The following ASCC3 variants were observed in gnomAD, a reference collection of about 807,000 sequenced individuals.
ASCC3 encodes the protein activating signal cointegrator 1 complex subunit 3, also known as ASC-1 complex subunit P200.
ASCC3 carries 158 observed loss-of-function variants against 256.3 expected under a neutral mutation model. The ratio of observed to expected loss-of-function variants is 0.62; its 90% confidence interval spans 0.54 to 0.70. The LOEUF is 0.70. Ranked by LOEUF, ASCC3 falls within the 30% of genes least tolerant of loss-of-function variation. ASCC3 has a pLI of 0.00. For missense variants in ASCC3, 2,259 were observed against 2,626.0 expected, an observed-to-expected ratio of 0.86 and a Z score of 3.05; for synonymous variants, 948 against 883.4, an observed-to-expected ratio of 1.07 and a Z score of -1.30.
At chr6:100,644,171 T>G (rs753533256) in intron 22 of ASCC3, 42 bp from the exon 23 acceptor site, 3 of 1,301,430 alleles carry the variant, frequency 2.3e-6, no homozygotes. Context: ...ATATCATAAC[T>G]CAAATAAGGG....
At chr6:100,774,586 C>T (rs1006334109) in intron 8 of ASCC3, among the ~76,000 whole-genome samples, 5 of 152,106 alleles carry the variant, frequency 3.3e-5, no homozygotes, top group African/African-American at 4.8e-5. Context: ...AGGATGGTCT[C>T]GATTTTCTGA....
In ASCC3 at chr6:100,688,850, C is replaced by T. The variant is rs1777706077; in HGVS notation, c.2152-9098G>A. 3.3e-5 allele frequency among the ~76,000 whole-genome samples: 5 copies of T among 152,166 alleles called. No homozygotes were observed. In the South Asian group the frequency reaches 1.0e-3, roughly 32 times the overall value. Reference sequence around the variant, plus strand: ...CAGAAGCCACCATTCATTACATGAACAACTATAGGAGGAAGTAACCAAAAA... The same window carrying T: ...CAGAAGCCACCATTCATTACATGAATAACTATAGGAGGAAGTAACCAAAAA... On this transcript the variant is annotated intron_variant, in intron 13 of 41. Transcript: ENST00000369162.
intron 3 of ASCC3, among the ~76,000 whole-genome samples, chr6:100,850,831 C>T (rs1294166865): frequency 6.6e-6 from 1 of 151,976 alleles, no homozygotes; most frequent in African/African-American, 2.4e-5. Context: ...TCATTCTATA[C>T]ATTTTACTTA....
chr6:100,589,148 G>A (rs1490362192), intron 36 of ASCC3, among the ~76,000 whole-genome samples: 1 of 152,016 alleles, frequency 6.6e-6, no homozygotes, highest in Non-Finnish European at 1.5e-5. Flanking sequence ...ATATATCTGT[G>A]GTCATTTTTT....
intron 30 of ASCC3, among the ~76,000 whole-genome samples, chr6:100,608,123 T>TAC (rs1562161216): frequency 3.2e-5 from 4 of 123,296 alleles, no homozygotes; most frequent in African/African-American, 1.3e-4. Context: ...TATATCTATA[T>TAC]ATACATATAT....
At chr6:100,608,424 T>C (rs111218840) in intron 30 of ASCC3, among the ~76,000 whole-genome samples, 2 of 60,976 alleles carry the variant, frequency 3.3e-5, no homozygotes, top group African/African-American at 1.7e-4. Flanking sequence ...TTATATATAT[T>C]TTATATATAT....
At chr6:100,829,540 G>GT (rs1370986441) in intron 4 of ASCC3, among the ~76,000 whole-genome samples, 1 of 152,018 alleles carries the variant, frequency 6.6e-6, no homozygotes, top group Admixed American at 6.5e-5. Context: ...CAAGCACCGC[G>GT]TGCAGCCCTG....
chr6:100,600,464 T>C (rs1772549315), intron 34 of ASCC3, among the ~76,000 whole-genome samples: 1 of 152,126 alleles, frequency 6.6e-6, no homozygotes, highest in Admixed American at 6.5e-5. Context: ...ATCTCACTAA[T>C]TTTGCAGCTA....
chr6:100,723,179 CT>C (rs915794312), intron 11 of ASCC3, among the ~76,000 whole-genome samples: 24 of 151,496 alleles, frequency 1.6e-4, no homozygotes, highest in African/African-American at 5.8e-4. Flanking sequence ...ATAATTTTTT[CT>C]ACTGTAAAAT....
intron 8 of ASCC3, among the ~76,000 whole-genome samples, chr6:100,774,522 C>T (rs1216530639): frequency 2.6e-5 from 4 of 151,782 alleles, no homozygotes; most frequent in African/African-American, 4.9e-5. Context: ...CCCATCACCA[C>T]GCCTGGCTAA....
At chr6:100,702,704 G>C (rs1025923066) in intron 13 of ASCC3, among the ~76,000 whole-genome samples, 14 of 152,164 alleles carry the variant, frequency 9.2e-5, no homozygotes, top group African/African-American at 3.4e-4. Context: ...GTCAAAAAGA[G>C]TAAGGAGATA....
intron 25 of ASCC3, among the ~76,000 whole-genome samples, chr6:100,633,766 C>T (rs112312970): frequency 2.0e-5 from 3 of 150,914 alleles, no homozygotes; most frequent in South Asian, 4.2e-4. Context: ...CCCAGCTACT[C>T]GGGAGACTGA....
chr6:100,776,550 A>G (rs1325862201), intron 8 of ASCC3, among the ~76,000 whole-genome samples: 3 of 152,108 alleles, frequency 2.0e-5, no homozygotes, highest in Non-Finnish European at 4.4e-5. Context: ...TAGACTACTG[A>G]AATAAGATGA....
At chr6:100,839,863 T>C (rs914120842) in intron 4 of ASCC3, among the ~76,000 whole-genome samples, 9 of 152,176 alleles carry the variant, frequency 5.9e-5, no homozygotes, top group South Asian at 4.1e-4. Context: ...TGCAGTTTTT[T>C]CTTAAGTGGG....
intron 3 of ASCC3, among the ~76,000 whole-genome samples, chr6:100,855,490 A>C (rs1772900660): frequency 6.6e-6 from 1 of 152,244 alleles, no homozygotes; most frequent in African/African-American, 2.4e-5. Context: ...CAGCTGATAC[A>C]TTTGCAAAGT....
intron 36 of ASCC3, among the ~76,000 whole-genome samples, chr6:100,581,534 G>C (rs1446209022): frequency 5.3e-5 from 8 of 151,550 alleles, no homozygotes; most frequent in Admixed American, 6.6e-5. Context: ...TTTGTAGGTT[G>C]CCTGTTCACT....
Position 100,606,881 on chromosome 6 carries a change from T to C in ASCC3, c.4924-21A>G, listed in dbSNP as rs1187137027. On this transcript the variant is annotated intron_variant, in intron 31 of 41. Transcript: ENST00000369162. ...AGAACCTAAAAAGCAAAATAAAATA[T>C]CTTATATCTAAGTAAAATATAACTT... 4 of 1,607,782 alleles carry C rather than the reference T, an allele frequency of 2.5e-6. No homozygotes were observed. In the African/African-American group the frequency reaches 5.4e-5, roughly 22 times the overall value.
chr6:100,772,231 T>C (rs993046592), intron 8 of ASCC3, among the ~76,000 whole-genome samples: 1 of 152,162 alleles, frequency 6.6e-6, no homozygotes, highest in Admixed American at 6.5e-5. Flanking sequence ...AAACTAAATG[T>C]ACAATAACTT....
chr6:100,798,619 CTAA>C (rs1769750340), intron 8 of ASCC3, 91 bp downstream of exon 8: 30 of 1,587,020 alleles, frequency 1.9e-5, no homozygotes, highest in South Asian at 3.3e-5. Context: ...TATTTGCCAA[CTAA>C]TAATGTTTTA....
Sources: gnomAD v4.1 joint callset for allele counts (sites outside exome capture counted in the v4.1 genomes callset) on GRCh38, gnomAD v4.1.1 for gene constraint, MANE v1.5 for transcripts, NCBI Gene and HGNC (gene_info 2026-07-23, HGNC 2026-07-21) for gene names.